Variants in OSBP2 observed in about 807,000 individuals in gnomAD.
OSBP2 encodes oxysterol-binding protein 2.
OSBP2 carries 66 observed loss-of-function variants against 96.0 expected under a neutral mutation model. That is an observed-to-expected ratio of 0.69 (90% CI 0.56 to 0.84). The LOEUF (loss-of-function observed/expected upper bound fraction) is 0.84, where lower values mean the gene tolerates loss of function less well. Ranked by LOEUF, OSBP2 falls within the 40% of genes least tolerant of loss-of-function variation. The pLI is 0.00. For missense variants in OSBP2, 1,038 were observed against 1,222.7 expected (o/e 0.85, Z 2.25); for synonymous variants, 525 against 520.9 (o/e 1.01, Z -0.11).
intron 2 of OSBP2, among the ~76,000 whole-genome samples, chr22:30,831,898 C>T (rs537056647): frequency 1.3e-3 from 191 of 152,272 alleles, no homozygotes; most frequent in African/African-American, 4.4e-3. Context: ...CTGTTAACCA[C>T]CCTCTCTGAT....
intron 2 of OSBP2, among the ~76,000 whole-genome samples, chr22:30,812,766 G>A (rs1370048693): frequency 2.6e-5 from 4 of 152,110 alleles, no homozygotes; most frequent in African/African-American, 7.2e-5. Context: ...CCACAGAGGC[G>A]ACCCCATCAT....
chr22:30,844,784 A>T (rs916377052), intron 2 of OSBP2: 1 of 152,278 alleles, frequency 6.6e-6, no homozygotes, highest in Non-Finnish European at 1.5e-5. Flanking sequence ...TAATTAGTGC[A>T]AGAGGCCTAG....
At chr22:30,700,529 C>A (rs1421238064) in intron 1 of OSBP2, among the ~76,000 whole-genome samples, 1 of 152,048 alleles carries the variant, frequency 6.6e-6, no homozygotes, top group Non-Finnish European at 1.5e-5. Context: ...GTGTTCCAAA[C>A]AGAAGTTTTA....
intron 1 of OSBP2, among the ~76,000 whole-genome samples, chr22:30,733,750 G>C (rs1282876741): frequency 6.6e-6 from 1 of 152,186 alleles, no homozygotes; most frequent in African/African-American, 2.4e-5. Context: ...AGGCTTCCAA[G>C]TTCTGATTGC....
intron 1 of OSBP2, among the ~76,000 whole-genome samples, chr22:30,700,286 A>G (rs577955006): frequency 1.3e-5 from 2 of 152,062 alleles, no homozygotes; most frequent in Admixed American, 1.3e-4. Flanking sequence ...TTCTTATTCC[A>G]TTACTTGGCA....
chr22:30,867,886 G>A (rs1341879930), intron 2 of OSBP2, among the ~76,000 whole-genome samples: 1 of 152,236 alleles, frequency 6.6e-6, no homozygotes, highest in African/African-American at 2.4e-5. Flanking sequence ...CCCCCTCAAG[G>A]CCCTCCCCGT....
At chr22:30,862,016 G>T (rs532454827) in intron 2 of OSBP2, among the ~76,000 whole-genome samples, 1 of 152,304 alleles carries the variant, frequency 6.6e-6, no homozygotes. Context: ...AGCCTTCTCA[G>T]AGCCCTACCT....
At position 30,755,740 on chromosome 22, in the gene OSBP2, C is replaced by T. The variant is rs189216250; in HGVS notation, c.853+14371C>T. On this transcript the variant is annotated intron_variant, in intron 2 of 13. Coordinates refer to ENST00000332585, the MANE Select transcript of OSBP2 (RefSeq NM_030758.4). ...GGAGAAGGAACTTTCACCTACGCAG[C>T]CCCCACCCTCCAAGAGGGGCAAACC... Among the ~76,000 whole-genome samples the T allele has an allele frequency of 1.1e-4, 17 of 152,266 alleles. No individual in the cohort carries two copies. In the East Asian group the frequency reaches 3.1e-3, roughly 28 times the overall value.
Position 30,858,905 on chromosome 22 carries a change from A to AT in OSBP2, c.854-11523dup, listed in dbSNP as rs1441957576. ...AATAATAATAATAATAATAATAATA[A>AT]TAATAATAAAAGCATTCCCATTCTG... On this transcript the variant is annotated intron_variant, in intron 2 of 13. Transcript: ENST00000332585. Among the ~76,000 whole-genome samples, 957 of 150,750 alleles carry AT rather than the reference A, an allele frequency of 6.3e-3. 10 individuals carry two copies. The highest frequency in any genetic ancestry group is 0.023 in the African/African-American group (929 of 40,944).
chr22:30,848,177 G>A (rs1457079016), intron 2 of OSBP2, among the ~76,000 whole-genome samples: 1 of 151,960 alleles, frequency 6.6e-6, no homozygotes, highest in Non-Finnish European at 1.5e-5. Context: ...TTTTTGAAGG[G>A]CATTTAGGGC....
At chr22:30,772,715 C>T (rs553045525) in intron 2 of OSBP2, among the ~76,000 whole-genome samples, 29 of 152,254 alleles carry the variant, frequency 1.9e-4, no homozygotes, top group African/African-American at 6.5e-4. Flanking sequence ...CTCAGCACCT[C>T]GGCTGTTAGC....
chr22:30,698,830 C>T (rs1005370933), intron 1 of OSBP2, among the ~76,000 whole-genome samples: 2 of 152,156 alleles, frequency 1.3e-5, no homozygotes, highest in African/African-American at 4.8e-5. Flanking sequence ...TCTGGCCTCC[C>T]CTCCTCCAGG....
chr22:30,834,801 C>A (rs1386026736), intron 2 of OSBP2, among the ~76,000 whole-genome samples: 1 of 150,562 alleles, frequency 6.6e-6, no homozygotes, highest in Non-Finnish European at 1.5e-5. Context: ...ATTGTCTTTT[C>A]TTTTCTTTTC....
In OSBP2 at chr22:30,843,448, C is replaced by A. The variant is rs75656746; in HGVS notation, c.854-26981C>A. On this transcript the variant is annotated intron_variant, in intron 2 of 13. Coordinates refer to ENST00000332585, the MANE Select transcript of OSBP2 (RefSeq NM_030758.4). ...CAGTACGTTTTCAGGAATCTTTCCC[C>A]CCTCCCCCTTGAGCAATAGGTCCTG... Among the ~76,000 whole-genome samples the A allele has an allele frequency of 4.2e-5, 5 of 119,018 alleles. 1 individual carries two copies. Among genetic ancestry groups the A allele is most frequent in the Non-Finnish European group, 8.6e-5 (5 of 58,430 alleles). 78.1% of individuals were successfully genotyped at this position (119,018 alleles called of 152,430 possible).
intron 2 of OSBP2, among the ~76,000 whole-genome samples, chr22:30,865,422 T>C (rs1478447475): frequency 6.6e-6 from 1 of 152,022 alleles, no homozygotes; most frequent in African/African-American, 2.4e-5. Flanking sequence ...GTCAGGAGTT[T>C]GAGACCAGCC....
At chr22:30,760,741 TGGCAG>T (rs1258296785) in intron 2 of OSBP2, among the ~76,000 whole-genome samples, 1 of 151,732 alleles carries the variant, frequency 6.6e-6, no homozygotes, top group Non-Finnish European at 1.5e-5. Flanking sequence ...GCTTGAACCC[TGGCAG>T]GGCGGAGGTT....
chr22:30,741,390 C>T lies in OSBP2; in HGVS notation c.853+21C>T, dbSNP rs190199456. 1.5e-4 allele frequency: 244 copies of T among 1,580,210 alleles called. 1 individual carries two copies. In the East Asian group the frequency reaches 2.8e-3, roughly 18 times the overall value. ...TTCAGGTAGTGAGCACTTGGGACAG[C>T]GGGTGTGTATATGGTGGTGTCATGA... is the stretch of plus-strand genomic sequence containing the variant. On this transcript the variant is annotated intron_variant, in intron 2 of 13. Coordinates refer to ENST00000332585, the MANE Select transcript of OSBP2 (RefSeq NM_030758.4).
At chr22:30,728,394 C>CAAAA (rs34137723) in intron 1 of OSBP2, among the ~76,000 whole-genome samples, 12 of 131,956 alleles carry the variant, frequency 9.1e-5, no homozygotes, top group Non-Finnish European at 1.3e-4. Context: ...GACTCCGTCT[C>CAAAA]AAAAAAAAAA....
intron 1 of OSBP2, among the ~76,000 whole-genome samples, chr22:30,727,640 CATT>C (rs781259141): frequency 1.3e-5 from 2 of 152,168 alleles, no homozygotes; most frequent in Non-Finnish European, 1.5e-5. Context: ...AAGAACCAGT[CATT>C]GTTGCTGCTA....
Sources: allele counts gnomAD v4.1 joint callset (sites outside exome capture counted in the v4.1 genomes callset), GRCh38; gene constraint gnomAD v4.1.1; transcripts MANE v1.5; gene names NCBI Gene and HGNC (gene_info 2026-07-23, HGNC 2026-07-21).